Variants in CDC25C observed in about 807,000 individuals in gnomAD.
CDC25C encodes M-phase inducer phosphatase 3.
A neutral mutation model predicts 52.5 loss-of-function variants in CDC25C; 48 were observed. The ratio of observed to expected loss-of-function variants is 0.91; its 90% CI spans 0.72 to 1.16. CDC25C has a LOEUF of 1.16. CDC25C is among the 50% of genes most tolerant of loss of function. CDC25C has a pLI of 0.00. For synonymous variants in CDC25C, 187 were observed against 206.5 expected (o/e 0.91, Z 0.81); for missense variants, 510 against 566.1 (o/e 0.90, Z 1.01).
chr5:138,313,995 C>CTTTCTTTCTTTCTTTCTTTCTTTCTTTCT (rs1554117939), intron 7 of CDC25C, among the ~76,000 whole-genome samples: 1 of 112,684 alleles, frequency 8.9e-6, no homozygotes, highest in African/African-American at 3.3e-5. Flanking sequence ...TTCTTTCTTT[C>CTTTCTTTCTTTCTTTCTTTCTTTCTTTCT]TTTTTTTTTT....
At chr5:138,325,366 A>G (rs1056259615) in intron 6 of CDC25C, among the ~76,000 whole-genome samples, 3 of 152,190 alleles carry the variant, frequency 2.0e-5, no homozygotes, top group African/African-American at 7.2e-5. Flanking sequence ...GGTTTAGATA[A>G]AAAGTACCAT....
At chr5:138,323,567 C>T (rs547294300) in intron 6 of CDC25C, among the ~76,000 whole-genome samples, 1 of 152,210 alleles carries the variant, frequency 6.6e-6, no homozygotes, top group African/African-American at 2.4e-5. Flanking sequence ...TCACCTCAGC[C>T]TCCCAGAGTG....
upstream of CDC25C, among the ~76,000 whole-genome samples, chr5:138,334,386 GTTTC>G (rs1760584973): frequency 6.6e-6 from 1 of 151,824 alleles, no homozygotes; most frequent in African/African-American, 2.4e-5. Context: ...TTTTGAGACA[GTTTC>G]TTTCTTGTTG....
chr5:138,319,334 C>G lies in CDC25C; in HGVS notation c.500G>C (p.Gly167Ala). 3.7e-6 allele frequency: 6 copies of G among 1,613,310 alleles called. No homozygotes were observed. Residue 167 changes from glycine to alanine, a missense_variant, in exon 7 of 14, where the codon GGC becomes GCC. By Grantham distance (60) the Gly-to-Ala change is moderately conservative (BLOSUM62 0). Coordinates refer to ENST00000323760, the MANE Select transcript of CDC25C (RefSeq NM_001790.5). Reference protein sequence around the residue: ...NLVDSEMKYLGSPITTVPKLD... With the variant: ...NLVDSEMKYLASPITTVPKLD... The stretch of plus-strand genomic sequence containing the variant: ...TTTTGGAACAGTAGTAATGGGACTG[C>G]CCAAATATTTCATTTCACTGTCCAC...
chr5:138,302,293 G>A (rs558529332), intron 7 of CDC25C, among the ~76,000 whole-genome samples: 3 of 151,826 alleles, frequency 2.0e-5, no homozygotes, highest in East Asian at 2.0e-4. Context: ...CACCGTGCTC[G>A]GCCGATGTAA....
chr5:138,329,003 CAA>C (rs1376803716), intron 3 of CDC25C: 3 of 159,562 alleles, frequency 1.9e-5, no homozygotes, highest in African/African-American at 4.8e-5. Flanking sequence ...CTCCCGGGTT[CAA>C]GAGATTCTCC....
At chr5:138,326,952 CAA>C (rs1208599313) in intron 4 of CDC25C, among the ~76,000 whole-genome samples, 21 of 61,380 alleles carry the variant, frequency 3.4e-4, no homozygotes, top group East Asian at 1.8e-3. Context: ...AACTCCGTCT[CAA>C]AAAAAAAAAA....
chr5:138,330,209 A>T (rs530807861), intron 2 of CDC25C, among the ~76,000 whole-genome samples: 127 of 150,432 alleles, frequency 8.4e-4, no homozygotes, highest in Middle Eastern at 3.4e-3. Flanking sequence ...TTTTTTTTTT[A>T]AATGAGGCCC....
At chr5:138,294,499 ATTTT>A (rs762737768) in intron 7 of CDC25C, among the ~76,000 whole-genome samples, 3 of 95,978 alleles carry the variant, frequency 3.1e-5, no homozygotes, top group African/African-American at 4.3e-5. Flanking sequence ...CACTCAGCTA[ATTTT>A]TTTTTTTTTT....
chr5:138,326,908 C>T (rs1298905960), intron 4 of CDC25C, among the ~76,000 whole-genome samples: 46 of 140,648 alleles, frequency 3.3e-4, no homozygotes, highest in African/African-American at 1.1e-3. Flanking sequence ...GCCGAGATCG[C>T]GCCATTGCAC....
At chr5:138,317,590 G>T (rs1404297891) in intron 7 of CDC25C, among the ~76,000 whole-genome samples, 1 of 150,732 alleles carries the variant, frequency 6.6e-6, no homozygotes, top group Admixed American at 6.7e-5. Flanking sequence ...TGAGGTGGGA[G>T]GACTGCCAGA....
chr5:138,337,798 G>A (rs1161138606), intron 1 of CDC25C: 2 of 425,930 alleles, frequency 4.7e-6, no homozygotes, highest in African/African-American at 4.2e-5. Flanking sequence ...TCCTTTGCTG[G>A]GGGAAGGGGG....
chr5:138,306,326 C>G (rs1757996517), intron 7 of CDC25C, among the ~76,000 whole-genome samples: 1 of 152,092 alleles, frequency 6.6e-6, no homozygotes, highest in African/African-American at 2.4e-5. Context: ...ACCATCGTAT[C>G]ACCAGTGCCT....
intron 10 of CDC25C, among the ~76,000 whole-genome samples, chr5:138,289,140 T>G (rs1463825149): frequency 6.6e-6 from 1 of 152,134 alleles, no homozygotes; most frequent in Non-Finnish European, 1.5e-5. Context: ...AATTTTTTTG[T>G]ATTTTTATTA....
At chr5:138,310,639 G>A (rs1027788019) in intron 7 of CDC25C, among the ~76,000 whole-genome samples, 1 of 152,104 alleles carries the variant, frequency 6.6e-6, no homozygotes, top group Non-Finnish European at 1.5e-5. Context: ...ATTCGATCCT[G>A]ACAACAACCC....
At chr5:138,338,103 C>G in exon 1 of CDC25C, 2 of 1,289,822 alleles carry the variant, frequency 1.6e-6, no homozygotes, top group Non-Finnish European at 2.0e-6. Flanking sequence ...TTCCCAACAG[C>G]GCTGTCCGAG....
At chr5:138,300,710 T>C (rs964175637) in intron 7 of CDC25C, among the ~76,000 whole-genome samples, 3 of 152,148 alleles carry the variant, frequency 2.0e-5, no homozygotes, top group African/African-American at 7.2e-5. Flanking sequence ...GCACTAAACA[T>C]TTACCAAGAT....
intron 7 of CDC25C, 62 bp from the exon 8 acceptor site, chr5:138,292,178 C>G: frequency 1.5e-6 from 2 of 1,322,560 alleles, no homozygotes; most frequent in South Asian, 2.9e-5. Context: ...AGACCTGCAG[C>G]AACAACATCT....
At chr5:138,328,914 C>CTT in intron 3 of CDC25C, 1 of 172,060 alleles carries the variant, frequency 5.8e-6, no homozygotes, top group South Asian at 1.4e-4. Flanking sequence ...CAACATATTT[C>CTT]TTTTTTTTTG....
Sources: gnomAD v4.1 joint callset for allele counts (sites outside exome capture counted in the v4.1 genomes callset) on GRCh38, gnomAD v4.1.1 for gene constraint, MANE v1.5 for transcripts, NCBI Gene and HGNC (gene_info 2026-07-23, HGNC 2026-07-21) for gene names.